Variants in C6orf52 observed in about 807,000 individuals in gnomAD.
C6orf52 encodes putative uncharacterized protein C6orf52.
Under a neutral mutation model 16.6 loss-of-function variants are expected in C6orf52, and 16 were observed. The ratio of observed to expected loss-of-function variants is 0.96; its 90% CI spans 0.65 to 1.46. The LOEUF is 1.46. Ranked by LOEUF, C6orf52 falls within the 40% of genes most tolerant of loss-of-function variation. The pLI is 0.00. For synonymous variants in C6orf52, 53 were observed against 61.4 expected, an observed-to-expected ratio of 0.86 and a Z score of 0.64; for missense variants, 166 against 182.3, an observed-to-expected ratio of 0.91 and a Z score of 0.52.
At chr6:10,686,427 TG>T in intron 3 of C6orf52, among the ~76,000 whole-genome samples, 1 of 152,208 alleles carries the variant, frequency 6.6e-6, no homozygotes, top group Non-Finnish European at 1.5e-5. Flanking sequence ...GAGGGGTGTG[TG>T]TGGGGGGGAA....
At chr6:10,685,023 T>C (rs45474092) in intron 3 of C6orf52, 4 of 514,246 alleles carry the variant, frequency 7.8e-6, no homozygotes, top group Non-Finnish European at 1.2e-5. Context: ...TCCCAGACTG[T>C]GCCAACAAAA....
rs75875830 is a variant in C6orf52 at position 10,690,752 on chromosome 6, G to T, written c.-11-3191C>A. ...CAAAGCTACAAAACAATATCCTCTCGTGCTTTAGTGTTTAATGAACTCTCA... is the reference window on the plus strand; with the variant it reads ...CAAAGCTACAAAACAATATCCTCTCTTGCTTTAGTGTTTAATGAACTCTCA... On this transcript the variant is annotated intron_variant, in intron 1 of 4. Coordinates refer to ENST00000259983, the MANE Select transcript of C6orf52 (RefSeq NM_001145020.3). 3.0e-4 allele frequency among the ~76,000 whole-genome samples: 46 copies of T among 152,258 alleles called. No homozygotes were observed. In the East Asian group the frequency reaches 8.7e-3, roughly 29 times the overall value.
intron 4 of C6orf52, among the ~76,000 whole-genome samples, chr6:10,674,308 G>A (rs1043289488): frequency 6.6e-6 from 1 of 152,068 alleles, no homozygotes; most frequent in Non-Finnish European, 1.5e-5. Context: ...TTTGGCGAGG[G>A]GGAGGAACAC....
chr6:10,694,596 C>G lies in C6orf52; in HGVS notation c.-114G>C, dbSNP rs1428567132. 3 of 178,090 alleles carry G rather than the reference C, an allele frequency of 1.7e-5. No individual in the cohort carries two copies. Among genetic ancestry groups the G allele is most frequent in the Admixed American group, 6.0e-5 (1 of 16,716 alleles). The allele number at this position is 178,090 out of a possible 1,614,324, so 11.0% of individuals were successfully genotyped here. A position where few individuals can be genotyped will look rare whatever the true frequency, so the allele number is the denominator to read the frequency against. On this transcript the variant is annotated 5_prime_UTR_variant, in exon 1 of 5. Transcript: ENST00000259983. ...ATGCACGCTGCCGGCGCTACAGCCC[C>G]TAAGCAACCGGCCGGAAGTCGGCCC...
In C6orf52 at chr6:10,687,073, G is replaced by C. The variant is rs1380231743; in HGVS notation, c.163C>G (p.Leu55Val). The stretch of plus-strand genomic sequence containing the variant: ...CAGCCATAGCTGTAGCCAGAAAGAA[G>C]GTAAGAGCCGTGCTGTCGCGCATAC... ...NWYARQHGSYLLSGYSYGCAV... is the reference protein window; with the variant it reads ...NWYARQHGSYVLSGYSYGCAV... Residue 55 changes from leucine (L) to valine (V), a missense_variant, in exon 3 of 5, where the codon CTT (leucine) becomes GTT (valine). By Grantham distance (32) the Leu-to-Val change is conservative. Transcript: ENST00000259983. 8 of 1,551,960 alleles carry C rather than the reference G, an allele frequency of 5.2e-6. No homozygotes were observed. Among genetic ancestry groups the C allele is most frequent in the Middle Eastern group, 1.7e-4 (1 of 5,998 alleles).
At chr6:10,683,120 C>A in intron 4 of C6orf52, 67 bp downstream of exon 4, 1 of 1,056,874 alleles carries the variant, frequency 9.5e-7, no homozygotes, top group South Asian at 1.6e-5. Flanking sequence ...TTCTAGCAAG[C>A]TGAGTGAATG....
At chr6:10,683,271 T>C (rs1403838526) in intron 3 of C6orf52, 39 bp from the exon 4 acceptor site, 4 of 1,366,654 alleles carry the variant, frequency 2.9e-6, no homozygotes, top group Non-Finnish European at 3.0e-6. Context: ...ATAATTTTAC[T>C]TAAAGGTTTA....
intron 1 of C6orf52, among the ~76,000 whole-genome samples, chr6:10,689,123 G>A (rs1200093167): frequency 2.6e-5 from 4 of 152,086 alleles, no homozygotes; most frequent in Admixed American, 6.5e-5. Context: ...GATTACAGGT[G>A]CCCACCACCA....
At chr6:10,682,497 T>C (rs1286634556) in intron 4 of C6orf52, among the ~76,000 whole-genome samples, 1 of 152,178 alleles carries the variant, frequency 6.6e-6, no homozygotes, top group Non-Finnish European at 1.5e-5. Context: ...AACAACATGC[T>C]CCCTTCTTTG....
chr6:10,687,661 C>T, intron 1 of C6orf52, 100 bp from the exon 2 acceptor site: 1 of 718,992 alleles, frequency 1.4e-6, no homozygotes, highest in Non-Finnish European at 2.4e-6. Context: ...CTCGCAACTA[C>T]ATCTGAGATA....
chr6:10,687,354 G>T, intron 2 of C6orf52, 126 bp downstream of exon 2: 1 of 823,164 alleles, frequency 1.2e-6, no homozygotes, highest in Non-Finnish European at 1.9e-6. Context: ...TAAAAAACCT[G>T]CACGTTCTGC....
chr6:10,687,402 G>A, intron 2 of C6orf52, 78 bp downstream of exon 2: 3 of 1,121,324 alleles, frequency 2.7e-6, no homozygotes, highest in Non-Finnish European at 3.9e-6. Flanking sequence ...AAAAGCCATA[G>A]TTTGTAAGTT....
At chr6:10,674,294 T>C (rs1400548566) in intron 4 of C6orf52, among the ~76,000 whole-genome samples, 5 of 152,118 alleles carry the variant, frequency 3.3e-5, no homozygotes, top group African/African-American at 9.7e-5. Flanking sequence ...TTTCAACATA[T>C]GAATTTGGCG....
At chr6:10,682,669 G>A (rs1455659449) in intron 4 of C6orf52, among the ~76,000 whole-genome samples, 1 of 152,178 alleles carries the variant, frequency 6.6e-6, no homozygotes, top group East Asian at 1.9e-4. Context: ...CTTAAAAGAA[G>A]CAAAACATTT....
At chr6:10,684,590 T>C (rs926020496) in intron 3 of C6orf52, among the ~76,000 whole-genome samples, 2 of 152,330 alleles carry the variant, frequency 1.3e-5, no homozygotes, top group South Asian at 2.1e-4. Context: ...CAGCTAGAGA[T>C]AGTCTGGGAA....
At chr6:10,673,002 T>C (rs1318990451) in intron 4 of C6orf52, among the ~76,000 whole-genome samples, 2 of 152,194 alleles carry the variant, frequency 1.3e-5, no homozygotes, top group Non-Finnish European at 1.5e-5. Flanking sequence ...TTCATTGGAG[T>C]CATTCATGAT....
chr6:10,684,371 A>G (rs891808247), intron 3 of C6orf52, among the ~76,000 whole-genome samples: 2 of 152,230 alleles, frequency 1.3e-5, no homozygotes, highest in Non-Finnish European at 2.9e-5. Context: ...CCACACTTCC[A>G]TAAGTTCCTT....
rs1477589644 is a variant in C6orf52 at position 10,683,928 on chromosome 6, A to G, written c.271-696T>C. Among the ~76,000 whole-genome samples the G allele has an allele frequency of 4.6e-5, 7 of 152,158 alleles. No homozygotes were observed. The East Asian group carries it at 1.3e-3, about 29-fold the overall frequency. On this transcript the variant is annotated intron_variant, in intron 3 of 4. Transcript: ENST00000259983. ...TTAAGTATGGCCAGCTATTCCAAGG[A>G]ATCACTATCAAGAAAGGGCTGATGT...
intron 4 of C6orf52, among the ~76,000 whole-genome samples, chr6:10,679,232 G>T (rs544792276): frequency 4.5e-4 from 69 of 152,228 alleles, no homozygotes; most frequent in Non-Finnish European, 8.2e-4. Context: ...CTGAGGCCAG[G>T]AGTTTGAGAC....
Sources: gnomAD v4.1 joint callset for allele counts (sites outside exome capture counted in the v4.1 genomes callset) on GRCh38, gnomAD v4.1.1 for gene constraint, MANE v1.5 for transcripts, NCBI Gene and HGNC (gene_info 2026-07-23, HGNC 2026-07-21) for gene names.